The following SYNE1 variants were observed in gnomAD, a reference collection of about 807,000 sequenced individuals.
The protein encoded by SYNE1 is spectrin repeat containing nuclear envelope protein 1, also known as nesprin-1.
In SYNE1, 616 loss-of-function variants were observed where a neutral mutation model predicts 1,111.0. That is an observed-to-expected ratio of 0.55 (90% confidence interval 0.52 to 0.59). The LOEUF (loss-of-function observed/expected upper bound fraction) is 0.59, where lower values mean the gene tolerates loss of function less well. Among genes scored for constraint, SYNE1 ranks in the 20% least tolerant of loss-of-function variants. The pLI, the probability that SYNE1 is intolerant of heterozygous loss-of-function variation, is 0.00. For missense variants in SYNE1, 10,006 were observed against 10,417.0 expected (o/e 0.96, Z 1.72); for synonymous variants, 3,855 against 3,825.8 (o/e 1.01, Z -0.28).
intron 91 of SYNE1, 95 bp downstream of exon 91, chr6:152,308,394 A>G (rs2095444674): frequency 6.4e-7 from 1 of 1,566,194 alleles, no homozygotes; most frequent in Non-Finnish European, 8.7e-7. Context: ...AGTGCAGGAC[A>G]GGGGAAACTG....
At chr6:152,131,897 A>G (rs2055814438) in intron 144 of SYNE1, among the ~76,000 whole-genome samples, 1 of 152,204 alleles carries the variant, frequency 6.6e-6, no homozygotes, top group South Asian at 2.1e-4. Context: ...CCTGCATACC[A>G]GCCACACGTT....
chr6:152,368,895 C>T, intron 61 of SYNE1, 77 bp downstream of exon 61: 1 of 1,601,322 alleles, frequency 6.2e-7, no homozygotes, highest in Non-Finnish European at 8.5e-7. Context: ...ATGCAATGCA[C>T]ACCCTGCAGA....
At chr6:152,436,925 G>A (rs1037815952) in intron 32 of SYNE1, among the ~76,000 whole-genome samples, 1 of 152,056 alleles carries the variant, frequency 6.6e-6, no homozygotes, top group Non-Finnish European at 1.5e-5. Flanking sequence ...CAGCATTTTG[G>A]GAGGCTGAGG....
intron 126 of SYNE1, among the ~76,000 whole-genome samples, chr6:152,204,160 T>A (rs907788419): frequency 1.3e-5 from 2 of 151,584 alleles, no homozygotes; most frequent in Admixed American, 6.6e-5. Context: ...AAGCCAGGAG[T>A]TCGAGACCAG....
intron 3 of SYNE1, among the ~76,000 whole-genome samples, chr6:152,612,868 A>G (rs949071864): frequency 2.0e-5 from 3 of 152,196 alleles, no homozygotes; most frequent in African/African-American, 7.2e-5. Context: ...AACGTAATCC[A>G]TTATGTAAAC....
At chr6:152,369,749 G>A (rs897655746) in intron 59 of SYNE1, 135 bp from the exon 60 acceptor site, 26 of 999,276 alleles carry the variant, frequency 2.6e-5, no homozygotes, top group African/African-American at 1.8e-4. Flanking sequence ...TTGGGTGGCC[G>A]AGGTGAGCAG....
At chr6:152,632,732 T>C (rs943671425) in intron 2 of SYNE1, among the ~76,000 whole-genome samples, 5 of 152,258 alleles carry the variant, frequency 3.3e-5, no homozygotes, top group African/African-American at 1.2e-4. Context: ...TTTCATCATC[T>C]GTAAAATGAG....
At chr6:152,503,197 A>G (rs1564497374) in intron 9 of SYNE1, among the ~76,000 whole-genome samples, 1 of 152,172 alleles carries the variant, frequency 6.6e-6, no homozygotes, top group African/African-American at 2.4e-5. Context: ...ATATATACAC[A>G]CACTATATAT....
chr6:152,284,519 T>C (rs571504274), intron 95 of SYNE1, among the ~76,000 whole-genome samples: 1 of 151,946 alleles, frequency 6.6e-6, no homozygotes, highest in Admixed American at 6.6e-5. Flanking sequence ...AGTGCAGTGG[T>C]ATGATCACAG....
At chr6:152,160,171 T>C (rs1184010942) in intron 131 of SYNE1, among the ~76,000 whole-genome samples, 2 of 152,098 alleles carry the variant, frequency 1.3e-5, no homozygotes, top group Non-Finnish European at 2.9e-5. Flanking sequence ...CATGCCCAGC[T>C]AAATTTTTGT....
intron 3 of SYNE1, among the ~76,000 whole-genome samples, chr6:152,590,634 T>G (rs963345386): frequency 5.3e-5 from 8 of 152,172 alleles, no homozygotes; most frequent in African/African-American, 1.9e-4. Flanking sequence ...TTTCCTAACT[T>G]GTCTGTCACT....
chr6:152,380,451 A>G (rs1343148731), intron 56 of SYNE1: 1 of 154,396 alleles, frequency 6.5e-6, no homozygotes, highest in Non-Finnish European at 1.4e-5. Context: ...AGCTTCAAAA[A>G]AAAAAAAAAA....
intron 3 of SYNE1, among the ~76,000 whole-genome samples, chr6:152,622,337 A>T (rs951990137): frequency 6.6e-6 from 1 of 152,058 alleles, no homozygotes; most frequent in East Asian, 1.9e-4. Flanking sequence ...TGTGTCATGG[A>T]GGCTTGTTGT....
At chr6:152,605,018 GA>G (rs2099609475) in intron 3 of SYNE1, among the ~76,000 whole-genome samples, 2 of 65,500 alleles carry the variant, frequency 3.1e-5, no homozygotes, top group African/African-American at 1.4e-4. Context: ...GAGAGAGAGA[GA>G]GAGAGAGAGA....
chr6:152,149,444 T>A, intron 136 of SYNE1, 33 bp downstream of exon 136: 1 of 1,613,552 alleles, frequency 6.2e-7, no homozygotes, highest in East Asian at 2.2e-5. Context: ...CTCTTTAGAT[T>A]TAATGACAAC....
chr6:152,145,446 CA>C, intron 137 of SYNE1: 3 of 1,578,654 alleles, frequency 1.9e-6, no homozygotes, highest in Non-Finnish European at 2.6e-6. Flanking sequence ...GATTGCTATA[CA>C]GGGGAGGGAG....
intron 74 of SYNE1, among the ~76,000 whole-genome samples, chr6:152,343,489 A>T (rs1480154871): frequency 2.9e-5 from 4 of 137,648 alleles, no homozygotes; most frequent in African/African-American, 5.3e-5. Context: ...TTTTCTTTTT[A>T]ATAGTTTATT....
chr6:152,480,825 C>T (rs2098889128), intron 14 of SYNE1: 1 of 455,652 alleles, frequency 2.2e-6, no homozygotes, highest in South Asian at 1.6e-5. Flanking sequence ...TTGTTTGCCT[C>T]AGATAACCAT....
At chr6:152,412,665 A>C (rs900726164) in intron 42 of SYNE1, among the ~76,000 whole-genome samples, 1 of 152,202 alleles carries the variant, frequency 6.6e-6, no homozygotes, top group Non-Finnish European at 1.5e-5. Context: ...ACACAACTGC[A>C]TAAGTTTGTC....
Sources: gnomAD v4.1 joint callset for allele counts (sites outside exome capture counted in the v4.1 genomes callset) on GRCh38, gnomAD v4.1.1 for gene constraint, MANE v1.5 for transcripts, NCBI Gene and HGNC (gene_info 2026-07-23, HGNC 2026-07-21) for gene names.